The following CCDC7 variants were observed in gnomAD, a reference collection of about 807,000 sequenced individuals.
CCDC7 encodes the protein coiled-coil domain-containing protein 7.
In CCDC7, 183 loss-of-function variants were observed where a neutral mutation model predicts 196.9. The ratio of observed to expected loss-of-function variants is 0.93; its 90% confidence interval spans 0.82 to 1.05. CCDC7 has a LOEUF of 1.05. CCDC7 is among the 50% of genes least tolerant of loss of function. CCDC7 has a pLI of 0.00. For missense variants in CCDC7, 1,540 were observed against 1,482.2 expected (o/e 1.04, Z -0.64); for synonymous variants, 525 against 484.6 (o/e 1.08, Z -1.10).
At chr10:32,544,220 T>G in intron 12 of CCDC7, 27 bp from the exon 14 acceptor site, 1 of 1,574,726 alleles carries the variant, frequency 6.4e-7, no homozygotes, top group African/African-American at 1.4e-5. Flanking sequence ...AATATCATGA[T>G]GCATTTTAAA....
intron 8 of CCDC7, among the ~76,000 whole-genome samples, chr10:32,477,873 T>C (rs902136893): frequency 6.6e-6 from 1 of 152,208 alleles, no homozygotes; most frequent in Non-Finnish European, 1.5e-5. Flanking sequence ...ATCCAAAAAA[T>C]ACCTTGCTGG....
chr10:32,634,553 T>C (rs1171903208), intron 19 of CCDC7, among the ~76,000 whole-genome samples, 189 bp downstream of exon 20: 1 of 152,044 alleles, frequency 6.6e-6, no homozygotes, highest in Non-Finnish European at 1.5e-5. Flanking sequence ...CACGTCACCA[T>C]GCCTGGCTAA....
intron 7 of CCDC7, among the ~76,000 whole-genome samples, chr10:32,473,627 G>A (rs2038395392): frequency 6.6e-6 from 1 of 152,100 alleles, no homozygotes; most frequent in Admixed American, 6.6e-5. Flanking sequence ...AAAGAAGAAG[G>A]GAGTCAGGTT....
At chr10:32,529,237 G>A (rs935406656) in intron 11 of CCDC7, among the ~76,000 whole-genome samples, 3 of 152,066 alleles carry the variant, frequency 2.0e-5, no homozygotes, top group African/African-American at 4.8e-5. Flanking sequence ...GGCCAGGCTG[G>A]GCTTGAGCTC....
chr10:32,820,728 T>G (rs1414839952), intron 31 of CCDC7, among the ~76,000 whole-genome samples: 1 of 152,192 alleles, frequency 6.6e-6, no homozygotes, highest in Non-Finnish European at 1.5e-5. Flanking sequence ...GGATTCCCTA[T>G]TTAATAAATG....
intron 18 of CCDC7, among the ~76,000 whole-genome samples, chr10:32,593,403 T>A (rs1170790334): frequency 1.3e-5 from 2 of 152,222 alleles, no homozygotes; most frequent in Non-Finnish European, 2.9e-5. Context: ...TTGTTTGATT[T>A]TTTCCTGTAA....
At chr10:32,517,097 C>T (rs1225746282) in intron 9 of CCDC7, among the ~76,000 whole-genome samples, 1 of 152,132 alleles carries the variant, frequency 6.6e-6, no homozygotes, top group Non-Finnish European at 1.5e-5. Flanking sequence ...TAACCTGAAA[C>T]TTATTTTTGT....
intron 11 of CCDC7, among the ~76,000 whole-genome samples, chr10:32,528,057 C>T (rs1193559906): frequency 6.6e-6 from 1 of 152,086 alleles, no homozygotes; most frequent in Non-Finnish European, 1.5e-5. Context: ...CCAAGTCATT[C>T]CTCACTCTAA....
At position 32,723,785 on chromosome 10, in the gene CCDC7, T is replaced by A. The variant is rs138405561; in HGVS notation, c.2570-2949T>A. Among the ~76,000 whole-genome samples, 132 of 152,238 alleles carry A rather than the reference T, an allele frequency of 8.7e-4. 1 individual carries two copies. The highest frequency in any genetic ancestry group is 2.9e-3 in the African/African-American group (120 of 41,560). On this transcript the variant is annotated intron_variant, in intron 25 of 41. Coordinates refer to ENST00000639629, the Ensembl canonical transcript of CCDC7. Reference sequence around the variant, plus strand: ...CCCAAGTCTCTAAGATCACTTTAGATAGCTGGGTGAAGTAACTCCAAAGGG... The same window carrying A: ...CCCAAGTCTCTAAGATCACTTTAGAAAGCTGGGTGAAGTAACTCCAAAGGG...
intron 20 of CCDC7, among the ~76,000 whole-genome samples, chr10:32,657,506 G>C (rs556189897): frequency 3.1e-4 from 47 of 152,336 alleles, no homozygotes; most frequent in African/African-American, 1.1e-3. Context: ...CTGAAGCAAT[G>C]GTCTGAGCTG....
Position 32,633,682 on chromosome 10 carries a change from G to GTATATATATATATATATATA in CCDC7, c.1802-557_1802-556insATATATATATATATATATAT, listed in dbSNP as rs139788574. ...TCTAATTCTATTGATTTAGCTTTGT[G>GTATATATATATATATATATA]TATATATATATATATGTGTGTGTGT... On this transcript the variant is annotated intron_variant, in intron 18 of 41. Transcript: ENST00000639629. Among the ~76,000 whole-genome samples, 4 of 121,760 alleles carry GTATATATATATATATATATA rather than the reference G, an allele frequency of 3.3e-5. No individual in the cohort carries two copies. The East Asian group carries it at 7.3e-4, about 22-fold the overall frequency. The allele number at this position is 121,760 out of a possible 152,430, so 79.9% of individuals were successfully genotyped here.
intron 24 of CCDC7, among the ~76,000 whole-genome samples, chr10:32,697,804 C>T (rs1349713823): frequency 6.6e-6 from 1 of 152,214 alleles, no homozygotes; most frequent in Non-Finnish European, 1.5e-5. Flanking sequence ...CCCTGTCTGA[C>T]AGCTTTGAAG....
intron 18 of CCDC7, among the ~76,000 whole-genome samples, chr10:32,602,719 G>T (rs1433372840): frequency 6.6e-6 from 1 of 152,108 alleles, no homozygotes; most frequent in African/African-American, 2.4e-5. Context: ...CTAAAATGAA[G>T]ATCAAGTAAG....
intron 21 of CCDC7, among the ~76,000 whole-genome samples, chr10:32,669,107 A>G (rs1344125427): frequency 6.6e-6 from 1 of 152,090 alleles, no homozygotes; most frequent in Non-Finnish European, 1.5e-5. Context: ...TTTTATTTTG[A>G]AATGATTTGG....
chr10:32,654,738 T>C (rs2069452158), intron 20 of CCDC7, among the ~76,000 whole-genome samples: 1 of 152,180 alleles, frequency 6.6e-6, no homozygotes, highest in Admixed American at 6.5e-5. Context: ...TCCTGTTTGC[T>C]CAGAACCTCA....
intron 21 of CCDC7, among the ~76,000 whole-genome samples, chr10:32,670,803 A>G (rs978173724): frequency 6.6e-6 from 1 of 151,322 alleles, no homozygotes; most frequent in Admixed American, 6.6e-5. Context: ...TCTAGTATCT[A>G]TTTTGTTTAT....
chr10:32,696,804 TC>T (rs2077790422), intron 24 of CCDC7, among the ~76,000 whole-genome samples: 1 of 152,198 alleles, frequency 6.6e-6, no homozygotes, highest in African/African-American at 2.4e-5. Context: ...TCTCTGATAA[TC>T]TCTTTTTGCT....
chr10:32,448,132 C>G (rs373327624), upstream of CCDC7, among the ~76,000 whole-genome samples: 60 of 151,852 alleles, frequency 4.0e-4, no homozygotes, highest in African/African-American at 1.4e-3. Context: ...AGTGTTTCAT[C>G]GAAACAAAAA....
intron 12 of CCDC7, 109 bp from the exon 14 acceptor site, chr10:32,544,138 T>A (rs11813339): frequency 0.11 from 98,004 of 912,408 alleles, 6,541 homozygotes; most frequent in South Asian, 0.25. Flanking sequence ...TGAATTTTTT[T>A]AAAAAAACTT....
Sources: allele counts gnomAD v4.1 joint callset (sites outside exome capture counted in the v4.1 genomes callset), GRCh38; gene constraint gnomAD v4.1.1; transcripts MANE v1.5; gene names NCBI Gene and HGNC (gene_info 2026-07-23, HGNC 2026-07-21).